OPCML: variants seen among roughly 807,000 people sequenced by gnomAD.
OPCML encodes the protein opioid binding protein/cell adhesion molecule like.
In OPCML, 13 loss-of-function variants were observed where a neutral mutation model predicts 37.8. The observed-to-expected ratio is 0.34, with a 90% CI of 0.22 to 0.55. The LOEUF is 0.55. Ranked by LOEUF, OPCML falls within the 20% of genes least tolerant of loss-of-function variation. The pLI, the probability that OPCML is intolerant of heterozygous loss-of-function variation, is 0.91. For missense variants in OPCML, 341 were observed against 435.6 expected (o/e 0.78, Z 1.93); for synonymous variants, 176 against 168.8 (o/e 1.04, Z -0.33).
chr11:132,616,060 TA>T (rs1202277684), intron 3 of OPCML, among the ~76,000 whole-genome samples: 5 of 152,350 alleles, frequency 3.3e-5, no homozygotes, highest in Admixed American at 6.5e-5. Context: ...TACCTCAGGA[TA>T]TTTTTTTCTG....
intron 2 of OPCML, among the ~76,000 whole-genome samples, chr11:132,658,695 A>G (rs563650169): frequency 6.6e-6 from 1 of 152,342 alleles, no homozygotes; most frequent in East Asian, 1.9e-4. Context: ...GCAGGAAGAC[A>G]TTGTTCTTTT....
At chr11:133,324,725 G>T (rs1943409377) in intron 1 of OPCML, among the ~76,000 whole-genome samples, 1 of 152,190 alleles carries the variant, frequency 6.6e-6, no homozygotes, top group South Asian at 2.1e-4. Flanking sequence ...TTTGAAAGAG[G>T]CTGAGAATGT....
chr11:132,818,192 A>T (rs1206489271), intron 2 of OPCML, among the ~76,000 whole-genome samples: 2 of 152,138 alleles, frequency 1.3e-5, no homozygotes. Flanking sequence ...AGTAGAGAAG[A>T]TCCTTGATTC....
rs534917275 is a variant in OPCML, at chr11:132,972,345, CG to C, written c.62-29336del. On this transcript the variant is annotated intron_variant, in intron 1 of 7. Coordinates refer to ENST00000524381, the MANE Select transcript of OPCML (RefSeq NM_001012393.5). The stretch of plus-strand genomic sequence containing the variant: ...AACACCTCTCTGCTAAAACAAGTTG[CG>C]GTGTATTCTGGGCTTACAGCAACTG... Among the ~76,000 whole-genome samples the C allele has an allele frequency of 1.5e-3, 222 of 152,280 alleles. 1 individual carries two copies. The highest frequency in any genetic ancestry group is 2.2e-3 in the Non-Finnish European group (149 of 68,020).
intron 1 of OPCML, among the ~76,000 whole-genome samples, chr11:133,181,214 C>T (rs187736032): frequency 1.8e-3 from 277 of 152,212 alleles, no homozygotes; most frequent in Non-Finnish European, 1.8e-3. Context: ...AACTCAGGAA[C>T]CTACACATGA....
Position 132,874,394 on chromosome 11 carries a change from TTCCCTCCC to T in OPCML, c.146+68524_146+68531del, listed in dbSNP as rs769347911. On this transcript the variant is annotated intron_variant, in intron 2 of 7. Coordinates refer to ENST00000524381, the MANE Select transcript of OPCML (RefSeq NM_001012393.5). The stretch of plus-strand genomic sequence containing the variant: ...GTAACTAGGGAACAATCTTTTATCT[TTCCCTCCC>T]TCCCTCCCTCCCTCCCTCCCTTCCT... Among the ~76,000 whole-genome samples the T allele has an allele frequency of 8.2e-5, 12 of 146,916 alleles. 1 individual carries two copies. Among genetic ancestry groups the T allele is most frequent in the Admixed American group, 2.7e-4 (4 of 14,786 alleles).
chr11:133,085,154 T>A (rs1948800550), intron 1 of OPCML, among the ~76,000 whole-genome samples: 1 of 152,258 alleles, frequency 6.6e-6, no homozygotes, highest in Admixed American at 6.5e-5. Flanking sequence ...GAAAAATATA[T>A]TTATGTCTTC....
chr11:132,672,028 TG>T (rs1942499062), intron 2 of OPCML, among the ~76,000 whole-genome samples: 1 of 152,164 alleles, frequency 6.6e-6, no homozygotes, highest in Non-Finnish European at 1.5e-5. Flanking sequence ...ATGATTCTTT[TG>T]TAACACTTCC....
intron 2 of OPCML, among the ~76,000 whole-genome samples, chr11:132,807,391 T>A (rs547371129): frequency 3.3e-5 from 5 of 152,304 alleles, no homozygotes; most frequent in African/African-American, 1.2e-4. Context: ...CATTAATAAG[T>A]TATCCCCATG....
chr11:133,435,256 T>C lies in OPCML; in HGVS notation c.61+97008A>G, dbSNP rs548237766. On this transcript the variant is annotated intron_variant, in intron 1 of 7. Coordinates refer to ENST00000524381, the MANE Select transcript of OPCML (RefSeq NM_001012393.5). ...GGTCTCAGGGTATATCGCTTGCAAA[T>C]GTCAAGGATTTTATGAATGTTTATT... is the stretch of plus-strand genomic sequence containing the variant. 3.9e-5 allele frequency among the ~76,000 whole-genome samples: 6 copies of C among 152,294 alleles called. No individual in the cohort carries two copies. The South Asian group carries it at 1.0e-3, about 26-fold the overall frequency.
At chr11:133,406,071 G>T (rs1454850027) in intron 1 of OPCML, among the ~76,000 whole-genome samples, 3 of 152,006 alleles carry the variant, frequency 2.0e-5, no homozygotes, top group African/African-American at 7.3e-5. Context: ...GTGTCTAATT[G>T]CATGCTGTTT....
chr11:132,984,361 A>G (rs1337360722), intron 1 of OPCML, among the ~76,000 whole-genome samples: 1 of 152,230 alleles, frequency 6.6e-6, no homozygotes, highest in Non-Finnish European at 1.5e-5. Flanking sequence ...AATATGTTAT[A>G]TATTCCTCAG....
chr11:133,447,356 C>T (rs950117713), intron 1 of OPCML, among the ~76,000 whole-genome samples: 1 of 152,238 alleles, frequency 6.6e-6, no homozygotes, highest in Non-Finnish European at 1.5e-5. Flanking sequence ...ATCCCTTGGT[C>T]TTCTGTTTTT....
At chr11:132,439,792 C>T (rs924989608) in intron 4 of OPCML, among the ~76,000 whole-genome samples, 5 of 151,614 alleles carry the variant, frequency 3.3e-5, no homozygotes, top group East Asian at 1.9e-4. Flanking sequence ...AAATGTACCA[C>T]AGAGGATTTT....
chr11:132,551,022 T>C (rs1388787289), intron 3 of OPCML, among the ~76,000 whole-genome samples: 5 of 152,234 alleles, frequency 3.3e-5, no homozygotes, highest in Admixed American at 3.3e-4. Context: ...CCACTGAATT[T>C]CCATGTTTAT....
chr11:133,395,873 T>C (rs34125131), intron 1 of OPCML, among the ~76,000 whole-genome samples: 40,788 of 152,102 alleles, frequency 0.27, 7,696 homozygotes, highest in African/African-American at 0.53. Flanking sequence ...CTGGGTCTTT[T>C]GTGGTTCCAT....
chr11:133,457,149 A>T (rs1416441549), intron 1 of OPCML, among the ~76,000 whole-genome samples: 1 of 152,188 alleles, frequency 6.6e-6, no homozygotes, highest in Non-Finnish European at 1.5e-5. Context: ...TCCAGGACAG[A>T]CTATAAGTGG....
chr11:132,597,775 C>A (rs2096494726), intron 3 of OPCML, among the ~76,000 whole-genome samples: 1 of 152,008 alleles, frequency 6.6e-6, no homozygotes, highest in Admixed American at 6.6e-5. Context: ...TATAGGATAC[C>A]CAATATTTGG....
At chr11:132,485,455 A>G (rs893799937) in intron 4 of OPCML, among the ~76,000 whole-genome samples, 1 of 152,182 alleles carries the variant, frequency 6.6e-6, no homozygotes, top group African/African-American at 2.4e-5. Context: ...GCAAGCGTGA[A>G]CACTCAAGTA....
Sources: gnomAD v4.1 joint callset for allele counts (sites outside exome capture counted in the v4.1 genomes callset) on GRCh38, gnomAD v4.1.1 for gene constraint, MANE v1.5 for transcripts, NCBI Gene and HGNC (gene_info 2026-07-23, HGNC 2026-07-21) for gene names.